The following SARM1 variants were observed in gnomAD, a reference collection of about 807,000 sequenced individuals.
SARM1 encodes the protein sterile alpha and TIR motif containing 1.
A neutral mutation model predicts 65.1 loss-of-function variants in SARM1; 60 were observed. The ratio of observed to expected loss-of-function variants is 0.92; its 90% CI spans 0.75 to 1.14. The LOEUF (loss-of-function observed/expected upper bound fraction) is 1.14, where lower values mean the gene tolerates loss of function less well. Among genes scored for constraint, SARM1 ranks in the 50% most tolerant of loss-of-function variants. The pLI, the probability that SARM1 is intolerant of heterozygous loss-of-function variation, is 0.00. For synonymous variants in SARM1, 417 were observed against 465.4 expected (o/e 0.90, Z 1.34); for missense variants, 913 against 1,015.7 (o/e 0.90, Z 1.37).
intron 1 of SARM1, chr17:28,374,391 G>T (rs892768742): frequency 1.4e-4 from 21 of 152,284 alleles, no homozygotes; most frequent in African/African-American, 4.6e-4. Context: ...GCCAGGCATG[G>T]TGGTGGTGCG....
In SARM1 at chr17:28,384,612, G is replaced by A. The variant is rs1555585678; in HGVS notation, c.1302+43G>A. The A allele has an allele frequency of 6.6e-7, 1 of 1,519,478 alleles. No homozygotes were observed. Among genetic ancestry groups the A allele is most frequent in the Non-Finnish European group, 8.9e-7 (1 of 1,125,388 alleles). The allele number at this position is 1,519,478 out of a possible 1,614,324, so 94.1% of individuals were successfully genotyped here. On this transcript the variant is annotated intron_variant, in intron 3 of 8. Transcript: ENST00000585482. This position sits in a 1 kb window ranked among gnomAD's most constrained non-coding sequence, Gnocchi z 4.4. ...ACGCCTCCCCCGAGTCAGAGCGGGC[G>A]CCCTGTGCACAGGGACTGCGTTCCC...
rs1231740903 is a variant in SARM1 at position 28,403,203 on chromosome 17, G to C, written c.*6917G>C. ...ACTTCTGGCCTCCAGAACTGTGAGA[G>C]AATATGTTTCTGTTGTGTTAAGCCC... On this transcript the variant is annotated 3_prime_UTR_variant, in exon 9 of 9. Transcript: ENST00000585482. 2 of 152,260 alleles carry C rather than the reference G, an allele frequency of 1.3e-5. No individual in the cohort carries two copies. Among genetic ancestry groups the C allele is most frequent in the Admixed American group, 6.5e-5 (1 of 15,282 alleles). The allele number at this position is 152,260 out of a possible 1,614,324, so 9.4% of individuals were successfully genotyped here.
rs1555589772 is a variant in SARM1 at position 28,402,283 on chromosome 17, C to G, written c.*5997C>G. 1 of 1,613,614 alleles carries G rather than the reference C, an allele frequency of 6.2e-7. No homozygotes were observed. The highest frequency in any genetic ancestry group is 1.7e-5 in the Admixed American group (1 of 59,958). Reference sequence around the variant, plus strand: ...AGCTTGGAGAGTTTAGCCCGGATGACAGGTGTGATGACTAATGACAGGAAA... The same window carrying G: ...AGCTTGGAGAGTTTAGCCCGGATGAGAGGTGTGATGACTAATGACAGGAAA... On this transcript the variant is annotated 3_prime_UTR_variant, in exon 9 of 9. Coordinates refer to ENST00000585482, the MANE Select transcript of SARM1 (RefSeq NM_015077.4).
intron 2 of SARM1, among the ~76,000 whole-genome samples, chr17:28,383,493 G>C (rs782706801): frequency 2.6e-5 from 4 of 152,156 alleles, no homozygotes; most frequent in Non-Finnish European, 2.9e-5. Flanking sequence ...GGTCAGGGAG[G>C]ACCTGCTCTA....
intron 5 of SARM1, among the ~76,000 whole-genome samples, chr17:28,386,452 CA>C (rs2068050863): frequency 6.8e-6 from 1 of 146,994 alleles, no homozygotes; most frequent in African/African-American, 2.5e-5. Context: ...TTAAAGAATT[CA>C]AATACATTTC....
intron 5 of SARM1, among the ~76,000 whole-genome samples, chr17:28,386,081 T>C (rs2068048944): frequency 6.6e-6 from 1 of 152,030 alleles, no homozygotes; most frequent in Non-Finnish European, 1.5e-5. Flanking sequence ...ATCGCTCAAG[T>C]CCAGGAGTTT....
Position 28,396,409 on chromosome 17 carries a change from C to T in SARM1, c.*123C>T. ...TGGGCTCTTCTTAGGAAATGGCTCT[C>T]CCTCCCCCTGTCCCCCACCCTCATG... On this transcript the variant is annotated 3_prime_UTR_variant, in exon 9 of 9. Coordinates refer to ENST00000585482, the MANE Select transcript of SARM1 (RefSeq NM_015077.4). 8.7e-7 allele frequency: 1 copy of T among 1,148,552 alleles called. No individual in the cohort carries two copies. The highest frequency in any genetic ancestry group is 1.3e-6 in the Non-Finnish European group (1 of 797,228). 71.1% of individuals were successfully genotyped at this position (1,148,552 alleles called of 1,614,324 possible). A position where few individuals can be genotyped will look rare whatever the true frequency, so the allele number is the denominator to read the frequency against.
intron 1 of SARM1, among the ~76,000 whole-genome samples, chr17:28,380,895 C>T (rs1257575559): frequency 1.3e-5 from 2 of 152,134 alleles, no homozygotes; most frequent in African/African-American, 4.8e-5. Context: ...AGTTAGAAAA[C>T]GGGCTGAGAA....
chr17:28,397,714 C>T lies in SARM1; in HGVS notation c.*1428C>T, dbSNP rs144246026. On this transcript the variant is annotated 3_prime_UTR_variant, in exon 9 of 9. Transcript: ENST00000585482. Reference sequence around the variant, plus strand: ...ACAAAAAGCTGACCCAGAGGCCATACAGAGCAGGAATATCCCATTGCCCCC... The same window carrying T: ...ACAAAAAGCTGACCCAGAGGCCATATAGAGCAGGAATATCCCATTGCCCCC... 6.6e-6 allele frequency: 1 copy of T among 152,408 alleles called. No homozygotes were observed. Among genetic ancestry groups the T allele is most frequent in the African/African-American group, 2.4e-5 (1 of 41,594 alleles). The allele number at this position is 152,408 out of a possible 1,614,324, so 9.4% of individuals were successfully genotyped here.
At chr17:28,391,560 A>G (rs1410486294) in intron 7 of SARM1, among the ~76,000 whole-genome samples, 1 of 152,098 alleles carries the variant, frequency 6.6e-6, no homozygotes, top group Non-Finnish European at 1.5e-5. Flanking sequence ...AACATGGCTG[A>G]TAACCCAGAG....
At position 28,381,638 on chromosome 17, in the gene SARM1, G is replaced by T. The variant is rs2068025551; in HGVS notation, c.906G>T (p.Ser302=). 2 of 1,562,500 alleles carry T rather than the reference G, an allele frequency of 1.3e-6. No individual in the cohort carries two copies. The highest frequency in any genetic ancestry group is 1.4e-5 in the African/African-American group (1 of 73,584). ...TLALVEPLVA[S]LDPGRFARCL... ...CGCTCGTGGAGCCGCTTGTGGCCTC[G>T]CTGGACCCTGGCCGCTTCGCCCGCT... Residue 302 remains serine (S), a synonymous_variant, in exon 2 of 9, where the codon TCG becomes TCT. Coordinates refer to ENST00000585482, the MANE Select transcript of SARM1 (RefSeq NM_015077.4).
Position 28,388,548 on chromosome 17 carries a change from C to T in SARM1, c.1923+9C>T, listed in dbSNP as rs782581724. ...AGGATTGGGTGCATAAGGTAGGTGC[C>T]TGCCTATGCTTCTGCGGTCCCAGCA... On this transcript the variant is annotated intron_variant, in intron 7 of 8. Coordinates refer to ENST00000585482, the MANE Select transcript of SARM1 (RefSeq NM_015077.4). The T allele has an allele frequency of 4.3e-6, 7 of 1,610,842 alleles. No individual in the cohort carries two copies. The highest frequency in any genetic ancestry group is 1.1e-5 in the South Asian group (1 of 91,024).
At position 28,402,100 on chromosome 17, in the gene SARM1, T is replaced by A; in HGVS notation, c.*5814T>A. The A allele has an allele frequency of 1.5e-6, 1 of 674,402 alleles. No homozygotes were observed. The highest frequency in any genetic ancestry group is 2.2e-5 in the South Asian group (1 of 45,736). The allele number at this position is 674,402 out of a possible 1,614,324, so 41.8% of individuals were successfully genotyped here. On this transcript the variant is annotated 3_prime_UTR_variant, in exon 9 of 9. Coordinates refer to ENST00000585482, the MANE Select transcript of SARM1 (RefSeq NM_015077.4). ...CCCATTGTGGGCAATTTCACAGAAATGTGTTTGTTTTGGCCACTTACTTCT... is the reference window on the plus strand; with the variant it reads ...CCCATTGTGGGCAATTTCACAGAAAAGTGTTTGTTTTGGCCACTTACTTCT...
Position 28,396,283 on chromosome 17 carries a change from C to A in SARM1, c.2172C>A (p.Thr724=). ...SLEGAAPMGP[T] is the part of the protein sequence containing the mutation. Reference sequence around the variant, plus strand: ...AGGGTGCTGCACCCATGGGTCCAACCTAACCAGTCCCCAGTTCCCCAGCCC... The same window carrying A: ...AGGGTGCTGCACCCATGGGTCCAACATAACCAGTCCCCAGTTCCCCAGCCC... The change falls in exon 9 of 9, where the codon ACC becomes ACA. Residue 724 remains threonine (T), a synonymous_variant. Transcript: ENST00000585482. 1 of 1,613,940 alleles carries A rather than the reference C, an allele frequency of 6.2e-7. No homozygotes were observed. Among genetic ancestry groups the A allele is most frequent in the Non-Finnish European group, 8.5e-7 (1 of 1,179,864 alleles).
chr17:28,402,388 C>A lies in SARM1; in HGVS notation c.*6102C>A. The A allele has an allele frequency of 7.3e-7, 1 of 1,374,308 alleles. No individual in the cohort carries two copies. The highest frequency in any genetic ancestry group is 1.2e-5 in the South Asian group (1 of 81,474). 85.1% of individuals were successfully genotyped at this position (1,374,308 alleles called of 1,614,324 possible). A position where few individuals can be genotyped will look rare whatever the true frequency, so the allele number is the denominator to read the frequency against. ...AGAGGGGCGTCCAAGGGAAAGGCAGCAGAGCTCCTATCCATACCCCACGTG... is the reference window on the plus strand; with the variant it reads ...AGAGGGGCGTCCAAGGGAAAGGCAGAAGAGCTCCTATCCATACCCCACGTG... On this transcript the variant is annotated 3_prime_UTR_variant, in exon 9 of 9. Coordinates refer to ENST00000585482, the MANE Select transcript of SARM1 (RefSeq NM_015077.4).
At position 28,402,369 on chromosome 17, in the gene SARM1, G is replaced by A. The variant is rs1310582959; in HGVS notation, c.*6083G>A. On this transcript the variant is annotated 3_prime_UTR_variant, in exon 9 of 9. Coordinates refer to ENST00000585482, the MANE Select transcript of SARM1 (RefSeq NM_015077.4). ...CAGGAAAATGGGGCTGGGGAGAGGG[G>A]CGTCCAAGGGAAAGGCAGCAGAGCT... The A allele has an allele frequency of 6.6e-7, 1 of 1,525,440 alleles. No homozygotes were observed. Among genetic ancestry groups the A allele is most frequent in the Non-Finnish European group, 9.0e-7 (1 of 1,108,594 alleles). The allele number at this position is 1,525,440 out of a possible 1,614,324, so 94.5% of individuals were successfully genotyped here. A position where few individuals can be genotyped will look rare whatever the true frequency, so the allele number is the denominator to read the frequency against.
In SARM1 at chr17:28,402,570, T is replaced by C; in HGVS notation, c.*6284T>C. On this transcript the variant is annotated 3_prime_UTR_variant, in exon 9 of 9. Transcript: ENST00000585482. ...TTGATTGCTTTCTTGTCTGAACCTCTTGTGGTCACAGCAGGCATCACCCAC... is the reference window on the plus strand; with the variant it reads ...TTGATTGCTTTCTTGTCTGAACCTCCTGTGGTCACAGCAGGCATCACCCAC... The C allele has an allele frequency of 2.5e-6, 1 of 392,492 alleles. No individual in the cohort carries two copies. The highest frequency in any genetic ancestry group is 3.6e-5 in the Admixed American group (1 of 27,426). The allele number at this position is 392,492 out of a possible 1,614,324, so 24.3% of individuals were successfully genotyped here.
chr17:28,380,077 T>TCC (rs2068013739), intron 1 of SARM1, among the ~76,000 whole-genome samples: 1 of 142,462 alleles, frequency 7.0e-6, no homozygotes, highest in Admixed American at 7.1e-5. Flanking sequence ...TTTTTCTGTC[T>TCC]CTCTCTCTCT....
At chr17:28,394,081 A>AACC (rs1555587290) in intron 7 of SARM1, among the ~76,000 whole-genome samples, 1 of 152,246 alleles carries the variant, frequency 6.6e-6, no homozygotes, top group Non-Finnish European at 1.5e-5. Context: ...GACTGTGGCC[A>AACC]ACCACATAGG....
Sources: allele counts gnomAD v4.1 joint callset (sites outside exome capture counted in the v4.1 genomes callset), GRCh38; gene constraint gnomAD v4.1.1; non-coding constraint Gnocchi (gnomAD v3.1); transcripts MANE v1.5; gene names NCBI Gene and HGNC (gene_info 2026-07-23, HGNC 2026-07-21).